TRAM2: variants seen among roughly 807,000 people sequenced by gnomAD.
The protein encoded by TRAM2 is translocating chain-associated membrane protein 2.
TRAM2 carries 12 observed loss-of-function variants against 51.0 expected under a neutral mutation model. The ratio of observed to expected loss-of-function variants is 0.24; its 90% CI spans 0.15 to 0.38. The LOEUF (loss-of-function observed/expected upper bound fraction) is 0.38. Among genes scored for constraint, TRAM2 ranks in the 10% least tolerant of loss-of-function variants. The probability of loss-of-function intolerance (pLI) is 1.00; values close to 1 mark genes in which losing one functional copy is unlikely to be tolerated. For missense variants in TRAM2, 361 were observed against 462.0 expected (o/e 0.78, Z 2.00); for synonymous variants, 175 against 179.4 (o/e 0.98, Z 0.20).
In TRAM2 at chr6:52,504,744, G is replaced by C. The variant is rs1292776142; in HGVS notation, c.886C>G (p.Leu296Val). 3.1e-6 allele frequency: 5 copies of C among 1,605,908 alleles called. 1 individual carries two copies. The South Asian group carries it at 4.4e-5, about 14-fold the overall frequency. ...FNTLFCRLCV[L>V]LLVCAAQAWL... is the part of the protein sequence containing the mutation. ...GCCTGGGCGGCACACACCAGCAGCA[G>C]CACGCAGAGCCTGCAGAGCAGGGGG... Residue 296 changes from leucine to valine, a missense_variant, in exon 10 of 11, where the codon CTG (leucine) becomes GTG (valine). By Grantham distance (32) the Leu-to-Val change is conservative. Transcript: ENST00000182527.
chr6:52,518,066 A>G (rs1294866610), intron 2 of TRAM2, among the ~76,000 whole-genome samples: 1 of 152,244 alleles, frequency 6.6e-6, no homozygotes, highest in African/African-American at 2.4e-5. Context: ...GTTGGAAAAC[A>G]TACAGTGCAG....
chr6:52,568,612 C>A (rs1434209991), intron 1 of TRAM2, among the ~76,000 whole-genome samples: 1 of 152,186 alleles, frequency 6.6e-6, no homozygotes, highest in African/African-American at 2.4e-5. Flanking sequence ...TGCTCTTAAC[C>A]TTCATGAAAG....
At position 52,541,805 on chromosome 6, in the gene TRAM2, T is replaced by TG. The variant is rs1449176228; in HGVS notation, c.121-5960_121-5959insC. ...AATCCTTTGGTTCAGTTTATTCTGTTTTTTTTTTTTTTGGCAGACACATCC... is the reference window on the plus strand; with the variant it reads ...AATCCTTTGGTTCAGTTTATTCTGTTGTTTTTTTTTTTTGGCAGACACATCC... On this transcript the variant is annotated intron_variant, in intron 1 of 10. Coordinates refer to ENST00000182527, the MANE Select transcript of TRAM2 (RefSeq NM_012288.4). Among the ~76,000 whole-genome samples the TG allele has an allele frequency of 6.1e-5, 6 of 97,798 alleles. 1 individual carries two copies. Among genetic ancestry groups the TG allele is most frequent in the Middle Eastern group, 0.01 (2 of 198 alleles). The allele number at this position is 97,798 out of a possible 152,430, so 64.2% of individuals were successfully genotyped here.
chr6:52,553,646 A>G (rs1303146597), intron 1 of TRAM2, among the ~76,000 whole-genome samples: 1 of 152,192 alleles, frequency 6.6e-6, no homozygotes, highest in Non-Finnish European at 1.5e-5. Context: ...TTGTTGAGAG[A>G]TAGTAGAGCA....
intron 1 of TRAM2, among the ~76,000 whole-genome samples, chr6:52,537,262 G>A (rs925776313): frequency 6.6e-6 from 1 of 152,138 alleles, no homozygotes; most frequent in South Asian, 2.1e-4. Flanking sequence ...AAAACACCAA[G>A]CCCTATCCGA....
At chr6:52,522,822 T>C (rs1305080606) in intron 2 of TRAM2, 1 of 685,500 alleles carries the variant, frequency 1.5e-6, no homozygotes, top group Non-Finnish European at 2.7e-6. Flanking sequence ...GGGAGTCACA[T>C]TCTGCTTGAC....
intron 4 of TRAM2, among the ~76,000 whole-genome samples, chr6:52,512,574 C>T (rs541156069): frequency 5.4e-4 from 82 of 152,248 alleles, no homozygotes; most frequent in African/African-American, 1.9e-3. Flanking sequence ...CACCTGAAAC[C>T]CACCCCAAAT....
At chr6:52,573,153 CCT>C (rs1767707508) in intron 1 of TRAM2, among the ~76,000 whole-genome samples, 1 of 152,164 alleles carries the variant, frequency 6.6e-6, no homozygotes, top group African/African-American at 2.4e-5. Flanking sequence ...CGGTGCACCC[CCT>C]TTTTCCTCAT....
At chr6:52,566,199 G>A (rs1215088736) in intron 1 of TRAM2, among the ~76,000 whole-genome samples, 1 of 152,094 alleles carries the variant, frequency 6.6e-6, no homozygotes, top group Non-Finnish European at 1.5e-5. Flanking sequence ...CACACGTCAG[G>A]GTTATAAGAA....
intron 2 of TRAM2, among the ~76,000 whole-genome samples, chr6:52,532,409 A>G (rs1766909400): frequency 6.6e-6 from 1 of 152,210 alleles, no homozygotes; most frequent in South Asian, 2.1e-4. Context: ...GGCTATCTCT[A>G]TAGACATTTA....
At chr6:52,566,550 A>G (rs1767593449) in intron 1 of TRAM2, among the ~76,000 whole-genome samples, 1 of 152,006 alleles carries the variant, frequency 6.6e-6, no homozygotes, top group African/African-American at 2.4e-5. Context: ...TGTCTTTCCT[A>G]ACAGTCTTTA....
intron 2 of TRAM2, among the ~76,000 whole-genome samples, chr6:52,521,263 G>A (rs183366271): frequency 1.4e-4 from 22 of 152,218 alleles, no homozygotes; most frequent in African/African-American, 5.1e-4. Flanking sequence ...TGCAAACGTA[G>A]TAATAAATTG....
chr6:52,512,987 A>G (rs1319253163), intron 4 of TRAM2, among the ~76,000 whole-genome samples: 2 of 152,210 alleles, frequency 1.3e-5, no homozygotes, highest in Non-Finnish European at 2.9e-5. Context: ...ATAGCAAGGA[A>G]GTCAGACAGG....
At chr6:52,550,523 T>G (rs532355663) in intron 1 of TRAM2, among the ~76,000 whole-genome samples, 51 of 152,266 alleles carry the variant, frequency 3.3e-4, no homozygotes, top group Admixed American at 1.2e-3. Flanking sequence ...TCAACGTAAC[T>G]GCTGGCAATG....
chr6:52,534,102 C>T (rs1766938149), intron 2 of TRAM2, among the ~76,000 whole-genome samples: 1 of 133,108 alleles, frequency 7.5e-6, no homozygotes, highest in Non-Finnish European at 1.6e-5. Context: ...AAAAAAAAGG[C>T]TGGGCACGGT....
At chr6:52,510,278 G>A (rs1441191896) in intron 4 of TRAM2, among the ~76,000 whole-genome samples, 1 of 152,188 alleles carries the variant, frequency 6.6e-6, no homozygotes, top group African/African-American at 2.4e-5. Flanking sequence ...ACCTTATATG[G>A]GGTGGGGATG....
At chr6:52,505,979 G>A in intron 8 of TRAM2, 53 bp downstream of exon 8, 2 of 1,592,616 alleles carry the variant, frequency 1.3e-6, no homozygotes, top group Admixed American at 1.7e-5. Flanking sequence ...CGGGCCTCGG[G>A]GGAACCCCTG....
chr6:52,568,488 C>T (rs1219851392), intron 1 of TRAM2, among the ~76,000 whole-genome samples: 2 of 152,194 alleles, frequency 1.3e-5, no homozygotes, highest in Non-Finnish European at 1.5e-5. Flanking sequence ...TCTTCTCAGC[C>T]GGAAACCAGG....
intron 1 of TRAM2, among the ~76,000 whole-genome samples, chr6:52,572,942 C>T (rs1372530125): frequency 6.6e-6 from 1 of 152,084 alleles, no homozygotes; most frequent in Non-Finnish European, 1.5e-5. Flanking sequence ...AAAGCAAAAA[C>T]CAGCCATCAC....
Sources: gnomAD v4.1 joint callset for allele counts (sites outside exome capture counted in the v4.1 genomes callset) on GRCh38, gnomAD v4.1.1 for gene constraint, MANE v1.5 for transcripts, NCBI Gene and HGNC (gene_info 2026-07-23, HGNC 2026-07-21) for gene names.